Variants in PTPN13 observed in about 807,000 individuals in gnomAD.
PTPN13 encodes the protein tyrosine-protein phosphatase non-receptor type 13.
Under a neutral mutation model 284.0 loss-of-function variants are expected in PTPN13, and 191 were observed. The observed-to-expected ratio is 0.67, with a 90% CI of 0.60 to 0.76. The LOEUF (loss-of-function observed/expected upper bound fraction) is 0.76, where lower values mean the gene tolerates loss of function less well. Ranked by LOEUF, PTPN13 falls within the 30% of genes least tolerant of loss-of-function variation. The pLI is 0.00. For missense variants in PTPN13, 2,797 were observed against 2,939.9 expected, an observed-to-expected ratio of 0.95 and a Z score of 1.12; for synonymous variants, 986 against 1,022.3, an observed-to-expected ratio of 0.96 and a Z score of 0.68.
rs553249158 is a variant in PTPN13, at chr4:86,703,150, TAA to T, written c.1195+1350_1195+1351del. Reference sequence around the variant, plus strand: ...TAGTTAATTGATATGGGTTCCGATATAACATGAATTTTTCAAAAACATTAGCC... The same window carrying T: ...TAGTTAATTGATATGGGTTCCGATATCATGAATTTTTCAAAAACATTAGCC... On this transcript the variant is annotated intron_variant, in intron 7 of 47. Transcript: ENST00000411767. Among the ~76,000 whole-genome samples, 381 of 152,222 alleles carry T rather than the reference TAA, an allele frequency of 2.5e-3. 10 individuals carry two copies. The highest frequency in any genetic ancestry group is 0.023 in the Admixed American group (353 of 15,282).
At chr4:86,595,836 A>T (rs1211758505) in intron 1 of PTPN13, 8 of 811,554 alleles carry the variant, frequency 9.9e-6, no homozygotes, top group Non-Finnish European at 1.0e-5. Context: ...TAGAAAGTTT[A>T]CTAAAGGATG....
chr4:86,763,071 A>C lies in PTPN13; in HGVS notation c.3898A>C (p.Asn1300His). Residue 1300 changes from asparagine (N) to histidine (H), a missense_variant, in exon 24 of 48, where the codon AAC becomes CAC. Transcript: ENST00000411767. ...ATEKETFTDS[N>H]QSKTKKPGIS... ...CGAGAAAGAGACTTTCACTGATAGTAACCAAAGCAAAACTAAAAAGCCAGG... is the reference window on the plus strand; with the variant it reads ...CGAGAAAGAGACTTTCACTGATAGTCACCAAAGCAAAACTAAAAAGCCAGG... 6.2e-7 allele frequency: 1 copy of C among 1,613,894 alleles called. No individual in the cohort carries two copies. The highest frequency in any genetic ancestry group is 1.1e-5 in the South Asian group (1 of 91,060).
chr4:86,734,306 A>G lies in PTPN13; in HGVS notation c.1862A>G (p.Asn621Ser). Residue 621 changes from asparagine (N) to serine (S), a missense_variant, in exon 13 of 48, where the codon AAT becomes AGT. Transcript: ENST00000411767. ...ATATTTTTCTCATTCTGTTTAGATA[A>G]TGAATATTTCTTTGTTGATCCTGAC... The part of the protein sequence containing the change: ...HLFALATLKD[N>S]EYFFVDPDLK... 6 of 1,489,688 alleles carry G rather than the reference A, an allele frequency of 4.0e-6. No individual in the cohort carries two copies. Among genetic ancestry groups the G allele is most frequent in the Non-Finnish European group, 5.4e-6 (6 of 1,111,956 alleles). 92.3% of individuals were successfully genotyped at this position (1,489,688 alleles called of 1,614,324 possible). A position where few individuals can be genotyped will look rare whatever the true frequency, so the allele number is the denominator to read the frequency against.
intron 1 of PTPN13, among the ~76,000 whole-genome samples, chr4:86,601,777 G>A (rs1764314354): frequency 6.6e-6 from 1 of 152,168 alleles, no homozygotes; most frequent in African/African-American, 2.4e-5. Context: ...ATCACTGTCT[G>A]TGAGCCACAA....
chr4:86,605,851 A>G (rs1764695373), intron 1 of PTPN13, among the ~76,000 whole-genome samples: 1 of 151,884 alleles, frequency 6.6e-6, no homozygotes, highest in African/African-American at 2.4e-5. Flanking sequence ...AAAGTTGGGA[A>G]TCATTACTGT....
At chr4:86,743,052 C>A (rs539987901) in intron 16 of PTPN13, among the ~76,000 whole-genome samples, 7 of 152,116 alleles carry the variant, frequency 4.6e-5, no homozygotes, top group African/African-American at 1.7e-4. Flanking sequence ...TTTTTTAACT[C>A]TCCTTTTTTC....
At chr4:86,639,395 C>T (rs1310237406) in intron 2 of PTPN13, among the ~76,000 whole-genome samples, 2 of 152,058 alleles carry the variant, frequency 1.3e-5, no homozygotes, top group East Asian at 1.9e-4. Context: ...TATTGCGGCA[C>T]TATTCACAAT....
intron 7 of PTPN13, among the ~76,000 whole-genome samples, chr4:86,707,065 C>T (rs1731853752): frequency 6.6e-6 from 1 of 152,094 alleles, no homozygotes; most frequent in African/African-American, 2.4e-5. Context: ...CACGCCCTAT[C>T]CATTGCTCTG....
chr4:86,641,697 C>T (rs1014772060), intron 2 of PTPN13, among the ~76,000 whole-genome samples: 3 of 152,040 alleles, frequency 2.0e-5, no homozygotes, highest in Non-Finnish European at 4.4e-5. Context: ...AGGTGGTTCC[C>T]CTTTTGGTGT....
chr4:86,689,157 C>T lies in PTPN13; in HGVS notation c.513C>T (p.His171=), dbSNP rs371981214. The part of the protein sequence containing the change: ...NCAPSFSYVK[H]LVKLVLGNLS... ...CACCCTCATTTTCCTACGTGAAACA[C>T]TTGGTAAAACTGGTTCTGGGAAATC... The change falls in exon 5 of 48, where the codon CAC becomes CAT. Residue 171 remains histidine, a synonymous_variant. Coordinates refer to ENST00000411767, the MANE Select transcript of PTPN13 (RefSeq NM_080683.3). 2 of 1,613,376 alleles carry T rather than the reference C, an allele frequency of 1.2e-6. No individual in the cohort carries two copies. Among genetic ancestry groups the T allele is most frequent in the Middle Eastern group, 1.6e-4 (1 of 6,082 alleles).
chr4:86,741,180 G>A (rs1245671992), intron 15 of PTPN13, among the ~76,000 whole-genome samples: 2 of 152,122 alleles, frequency 1.3e-5, no homozygotes, highest in African/African-American at 4.8e-5. Flanking sequence ...CACATCTTCA[G>A]GTATCTTTTC....
intron 2 of PTPN13, among the ~76,000 whole-genome samples, chr4:86,666,712 A>G (rs1174323838): frequency 6.6e-6 from 1 of 152,188 alleles, no homozygotes. Context: ...TGAGGAGGCG[A>G]TATCTGATTT....
intron 15 of PTPN13, among the ~76,000 whole-genome samples, chr4:86,741,018 G>C (rs1263203654): frequency 4.6e-5 from 7 of 152,126 alleles, no homozygotes; most frequent in African/African-American, 1.7e-4. Context: ...ACCTCAGCCT[G>C]GACCTTATTG....
intron 4 of PTPN13, among the ~76,000 whole-genome samples, chr4:86,688,581 G>T (rs1729676318): frequency 6.6e-6 from 1 of 151,692 alleles, no homozygotes; most frequent in African/African-American, 2.4e-5. Flanking sequence ...TCTTCTTTAA[G>T]TTATCATGGG....
At chr4:86,689,870 AT>A in intron 5 of PTPN13, 1 of 625,300 alleles carries the variant, frequency 1.6e-6, no homozygotes, top group Non-Finnish European at 2.8e-6. Flanking sequence ...TCTATACTTT[AT>A]CTGCTCTTAT....
At position 86,632,692 on chromosome 4, in the gene PTPN13, C is replaced by T. The variant is rs113025895; in HGVS notation, c.-5-2560C>T. ...TTTTCCCCTCCTCCCCCTGCGCCTC[C>T]TCCCTTCTTCCTTTTTCTTGGTGGT... On this transcript the variant is annotated intron_variant, in intron 1 of 47. Transcript: ENST00000411767. Among the ~76,000 whole-genome samples the T allele has an allele frequency of 4.5e-3, 688 of 151,888 alleles. 5 individuals carry two copies. Among genetic ancestry groups the T allele is most frequent in the African/African-American group, 0.016 (662 of 41,390 alleles).
chr4:86,791,493 A>C (rs546955993), intron 40 of PTPN13, among the ~76,000 whole-genome samples: 75 of 152,284 alleles, frequency 4.9e-4, no homozygotes, highest in African/African-American at 1.7e-3. Context: ...CTCTGAAGAG[A>C]GCAATGGTTC....
chr4:86,630,807 TTTAG>T (rs1722387239), intron 1 of PTPN13, among the ~76,000 whole-genome samples: 1 of 152,264 alleles, frequency 6.6e-6, no homozygotes, highest in East Asian at 1.9e-4. Flanking sequence ...CTTGATTGGA[TTTAG>T]TTAATCTGTT....
intron 23 of PTPN13, among the ~76,000 whole-genome samples, chr4:86,761,171 A>ATATAT (rs1166814661): frequency 1.1e-3 from 98 of 85,924 alleles, no homozygotes; most frequent in Middle Eastern, 6.7e-3. Context: ...TATATATATA[A>ATATAT]ACACAACACA....
Sources: gnomAD v4.1 joint callset for allele counts (sites outside exome capture counted in the v4.1 genomes callset) on GRCh38, gnomAD v4.1.1 for gene constraint, MANE v1.5 for transcripts, NCBI Gene and HGNC (gene_info 2026-07-23, HGNC 2026-07-21) for gene names.